The following NELL1 variants were observed in gnomAD, a reference collection of about 807,000 sequenced individuals.
NELL1 encodes protein kinase C-binding protein NELL1.
In NELL1, 76 loss-of-function variants were observed where a neutral mutation model predicts 107.4. That is an observed-to-expected ratio of 0.71 (90% CI 0.59 to 0.86). The LOEUF is 0.86. Ranked by LOEUF, NELL1 falls within the 40% of genes least tolerant of loss-of-function variation. NELL1 has a pLI of 0.00. For synonymous variants in NELL1, 353 were observed against 341.2 expected (o/e 1.03, Z -0.38); for missense variants, 1,024 against 1,005.5 (o/e 1.02, Z -0.25).
intron 15 of NELL1, among the ~76,000 whole-genome samples, chr11:21,401,352 ACTTT>A (rs1404853795): frequency 6.6e-6 from 1 of 151,844 alleles, no homozygotes; most frequent in Non-Finnish European, 1.5e-5. Context: ...AATTGGGAAG[ACTTT>A]ATTTGTTACT....
intron 12 of NELL1, among the ~76,000 whole-genome samples, chr11:21,068,551 C>T (rs1853935576): frequency 6.6e-6 from 1 of 152,188 alleles, no homozygotes; most frequent in Non-Finnish European, 1.5e-5. Flanking sequence ...TTACTCTCTT[C>T]TCACTTCTCT....
intron 12 of NELL1, among the ~76,000 whole-genome samples, chr11:21,104,511 A>G (rs901525745): frequency 6.6e-6 from 1 of 152,244 alleles, no homozygotes; most frequent in Non-Finnish European, 1.5e-5. Flanking sequence ...ACATAGCTAC[A>G]TGTGGAAAAT....
chr11:21,052,447 C>T (rs939370010), intron 12 of NELL1, among the ~76,000 whole-genome samples: 5 of 152,016 alleles, frequency 3.3e-5, no homozygotes, highest in Non-Finnish European at 7.4e-5. Context: ...CACATGGTAG[C>T]AACAGAGGTG....
Position 21,025,755 on chromosome 11 carries a change from T to A in NELL1, c.1300+65195T>A, listed in dbSNP as rs115100618. ...ATTTCAGCCTAGACTGATATTTTAC[T>A]GATTGCTTTATATCTCCACTTGACG... On this transcript the variant is annotated intron_variant, in intron 12 of 19. Coordinates refer to ENST00000357134, the MANE Select transcript of NELL1 (RefSeq NM_006157.5). 7.3e-3 allele frequency among the ~76,000 whole-genome samples: 1,106 copies of A among 152,274 alleles called. 11 individuals are homozygous for A. Among genetic ancestry groups the A allele is most frequent in the African/African-American group, 0.026 (1,068 of 41,556 alleles).
chr11:21,341,623 A>T (rs1023623339), intron 14 of NELL1, among the ~76,000 whole-genome samples: 3 of 152,206 alleles, frequency 2.0e-5, no homozygotes, highest in African/African-American at 7.2e-5. Context: ...CATGGCCAGT[A>T]GCTGAAACTG....
At chr11:20,698,619 C>T (rs1483113581) in intron 2 of NELL1, among the ~76,000 whole-genome samples, 1 of 152,122 alleles carries the variant, frequency 6.6e-6, no homozygotes, top group South Asian at 2.1e-4. Flanking sequence ...AACTTAAATT[C>T]ATGGTGTGAG....
intron 2 of NELL1, among the ~76,000 whole-genome samples, chr11:20,678,547 A>G (rs1433320976): frequency 1.3e-5 from 2 of 152,208 alleles, no homozygotes; most frequent in African/African-American, 4.8e-5. Flanking sequence ...TTCAGCAAGC[A>G]TTTATAGAGA....
intron 16 of NELL1, among the ~76,000 whole-genome samples, chr11:21,538,777 G>A (rs1408418000): frequency 1.3e-5 from 2 of 152,020 alleles, no homozygotes; most frequent in African/African-American, 4.8e-5. Context: ...AATTAACAAT[G>A]GCATGTATAA....
intron 14 of NELL1, among the ~76,000 whole-genome samples, chr11:21,317,722 T>C (rs1476980698): frequency 6.6e-6 from 1 of 152,078 alleles, no homozygotes; most frequent in Non-Finnish European, 1.5e-5. Context: ...AAGGCCTTGA[T>C]TTTTGAGCAC....
chr11:21,439,713 T>C (rs1055217307), intron 15 of NELL1, among the ~76,000 whole-genome samples: 1 of 152,122 alleles, frequency 6.6e-6, no homozygotes, highest in East Asian at 1.9e-4. Context: ...ATGTTTCAAG[T>C]TTAGGGTTTT....
intron 13 of NELL1, among the ~76,000 whole-genome samples, chr11:21,205,580 C>T (rs1466710994): frequency 6.6e-6 from 1 of 152,180 alleles, no homozygotes; most frequent in Non-Finnish European, 1.5e-5. Flanking sequence ...ATCCACTGAG[C>T]ACTTGGCTCC....
At chr11:21,262,059 T>C (rs1378931852) in intron 14 of NELL1, among the ~76,000 whole-genome samples, 1 of 151,938 alleles carries the variant, frequency 6.6e-6, no homozygotes, top group African/African-American at 2.4e-5. Flanking sequence ...CTTGATTTTC[T>C]TTCTTGCATA....
intron 12 of NELL1, among the ~76,000 whole-genome samples, chr11:21,065,242 T>G (rs544546531): frequency 6.6e-6 from 1 of 152,262 alleles, no homozygotes; most frequent in East Asian, 1.9e-4. Context: ...TAAAAGGATC[T>G]GGTTTTCACT....
At chr11:20,736,652 A>T (rs1040120662) in intron 2 of NELL1, among the ~76,000 whole-genome samples, 4 of 152,198 alleles carry the variant, frequency 2.6e-5, no homozygotes, top group African/African-American at 9.6e-5. Flanking sequence ...TAAATCATGA[A>T]GTTCTTTATT....
intron 5 of NELL1, among the ~76,000 whole-genome samples, chr11:20,903,046 A>T (rs568873652): frequency 6.6e-6 from 1 of 152,132 alleles, no homozygotes; most frequent in South Asian, 2.1e-4. Flanking sequence ...TATATTGAGG[A>T]TATTTTATTT....
chr11:21,273,926 C>T (rs977947817), intron 14 of NELL1, among the ~76,000 whole-genome samples: 3 of 152,180 alleles, frequency 2.0e-5, no homozygotes, highest in African/African-American at 7.2e-5. Context: ...AAGGAACAAC[C>T]AGTACCAGCC....
At chr11:20,738,743 G>C (rs946743421) in intron 2 of NELL1, among the ~76,000 whole-genome samples, 1 of 152,152 alleles carries the variant, frequency 6.6e-6, no homozygotes, top group Non-Finnish European at 1.5e-5. Context: ...TCACCAATGA[G>C]GTAATGCCTG....
intron 2 of NELL1, among the ~76,000 whole-genome samples, chr11:20,691,466 C>G (rs2133866788): frequency 6.6e-6 from 1 of 152,108 alleles, no homozygotes; most frequent in East Asian, 1.9e-4. Flanking sequence ...CCATCAATAC[C>G]TAATTTATTG....
In NELL1 at chr11:21,136,938, G is replaced by T. The variant is rs75416290; in HGVS notation, c.1426+23224G>T. Reference sequence around the variant, plus strand: ...CAGTAAAGAAGAGAAGAGAAGGTGAGTTGGCTAGGCGTATCCTTAAAGGCA... The same window carrying T: ...CAGTAAAGAAGAGAAGAGAAGGTGATTTGGCTAGGCGTATCCTTAAAGGCA... On this transcript the variant is annotated intron_variant, in intron 13 of 19. Coordinates refer to ENST00000357134, the MANE Select transcript of NELL1 (RefSeq NM_006157.5). Among the ~76,000 whole-genome samples the T allele has an allele frequency of 4.0e-3, 614 of 152,314 alleles. 11 individuals carry two copies. Among genetic ancestry groups the T allele is most frequent in the Admixed American group, 0.036 (558 of 15,294 alleles).
Sources: gnomAD v4.1 joint callset for allele counts (sites outside exome capture counted in the v4.1 genomes callset) on GRCh38, gnomAD v4.1.1 for gene constraint, MANE v1.5 for transcripts, NCBI Gene and HGNC (gene_info 2026-07-23, HGNC 2026-07-21) for gene names.